Variants in DSCAML1 observed in about 807,000 individuals in gnomAD.
The protein encoded by DSCAML1 is DS cell adhesion molecule like 1.
A neutral mutation model predicts 200.5 loss-of-function variants in DSCAML1; 38 were observed. The observed-to-expected ratio is 0.19, with a 90% confidence interval of 0.15 to 0.25. The LOEUF (loss-of-function observed/expected upper bound fraction) is 0.25. Among genes scored for constraint, DSCAML1 ranks in the 10% least tolerant of loss-of-function variants. The probability of loss-of-function intolerance (pLI) is 1.00; values close to 1 mark genes in which losing one functional copy is unlikely to be tolerated. For missense variants in DSCAML1, 2,223 were observed against 2,858.8 expected (o/e 0.78, Z 5.07); for synonymous variants, 1,215 against 1,165.0 (o/e 1.04, Z -0.87).
chr11:117,504,970 C>G lies in DSCAML1; in HGVS notation c.2136G>C (p.Ser712=). The G allele has an allele frequency of 6.2e-7, 1 of 1,611,774 alleles. No individual in the cohort carries two copies. The highest frequency in any genetic ancestry group is 8.5e-7 in the Non-Finnish European group (1 of 1,178,616). Residue 712 remains serine, a synonymous_variant, in exon 10 of 33, where the codon TCG becomes TCC. Transcript: ENST00000651296. This position sits in a 1 kb window ranked among gnomAD's most constrained non-coding sequence, Gnocchi z 5.0. ...CCTTGGGTGGGGGGTAGCCGTCCAC[C>G]GAGCAGTTGAGCACACCAGCTTTGC... ...IYGKAGVLNC[S]VDGYPPPKVM...
chr11:117,798,150 G>A (rs1237424249), upstream of DSCAML1, among the ~76,000 whole-genome samples: 3 of 152,160 alleles, frequency 2.0e-5, no homozygotes, highest in Non-Finnish European at 4.4e-5. Flanking sequence ...AGGGATCCAG[G>A]TATCCCTGAG....
chr11:117,522,517 G>T (rs1222783040), intron 5 of DSCAML1, among the ~76,000 whole-genome samples: 2 of 152,218 alleles, frequency 1.3e-5, no homozygotes, highest in Non-Finnish European at 2.9e-5. Flanking sequence ...CAGGCTCCCT[G>T]TATAGCTTGG....
intron 3 of DSCAML1, among the ~76,000 whole-genome samples, chr11:117,770,571 T>C (rs994379439): frequency 1.3e-5 from 2 of 152,082 alleles, no homozygotes; most frequent in African/African-American, 4.8e-5. Context: ...GACTGTCATT[T>C]TGTCATCACC....
intron 3 of DSCAML1, among the ~76,000 whole-genome samples, chr11:117,618,191 G>A (rs187875556): frequency 5.8e-4 from 89 of 152,306 alleles, no homozygotes; most frequent in South Asian, 1.7e-3. Context: ...GGGTTGGAAA[G>A]GGCCTAACCT....
chr11:117,768,313 G>C (rs147598668), intron 3 of DSCAML1, among the ~76,000 whole-genome samples: 145 of 152,260 alleles, frequency 9.5e-4, no homozygotes, highest in Non-Finnish European at 4.9e-4. Context: ...ATTCTATTCA[G>C]TTATTATCAT....
chr11:117,693,927 T>C (rs1386975295), intron 3 of DSCAML1, among the ~76,000 whole-genome samples: 2 of 152,082 alleles, frequency 1.3e-5, no homozygotes, highest in African/African-American at 2.4e-5. Context: ...CTAGTGTCTT[T>C]ATGCAAACAT....
At chr11:117,740,282 T>TG (rs1241480726) in intron 3 of DSCAML1, among the ~76,000 whole-genome samples, 1 of 152,204 alleles carries the variant, frequency 6.6e-6, no homozygotes, top group Non-Finnish European at 1.5e-5. Context: ...ATGCAGCACT[T>TG]GCCACAGGTT....
intron 3 of DSCAML1, among the ~76,000 whole-genome samples, chr11:117,664,234 C>G (rs1273733640): frequency 6.6e-6 from 1 of 152,350 alleles, no homozygotes; most frequent in South Asian, 2.1e-4. Context: ...CCTAGACCGG[C>G]GAGGGGCCGT....
chr11:117,795,264 C>G (rs956858690), intron 1 of DSCAML1, among the ~76,000 whole-genome samples: 1 of 152,168 alleles, frequency 6.6e-6, no homozygotes, highest in Non-Finnish European at 1.5e-5. Flanking sequence ...AGTGTGGCAG[C>G]GGCTTCGGCC....
At chr11:117,647,155 A>C (rs751633110) in intron 3 of DSCAML1, among the ~76,000 whole-genome samples, 24 of 152,242 alleles carry the variant, frequency 1.6e-4, no homozygotes, top group Non-Finnish European at 3.1e-4. Flanking sequence ...CTGGAGGTGG[A>C]GAGGGGCTCA....
chr11:117,539,606 CAAAAAAAA>C (rs35130897), intron 3 of DSCAML1, among the ~76,000 whole-genome samples: 29 of 52,610 alleles, frequency 5.5e-4, no homozygotes, highest in Non-Finnish European at 9.2e-4. Flanking sequence ...AAAACTCTGT[CAAAAAAAA>C]AAAAAAAAAA....
intron 8 of DSCAML1, among the ~76,000 whole-genome samples, chr11:117,511,276 G>A (rs555535041): frequency 7.9e-5 from 12 of 152,224 alleles, no homozygotes; most frequent in Non-Finnish European, 1.5e-4. Flanking sequence ...CCACCTCCCT[G>A]TCCTGGTCCT....
intron 3 of DSCAML1, among the ~76,000 whole-genome samples, chr11:117,555,181 C>G (rs549364878): frequency 2.9e-3 from 448 of 152,328 alleles, no homozygotes; most frequent in Middle Eastern, 0.014. Flanking sequence ...CCCGTAGCAA[C>G]CCATGGCCAC....
intron 17 of DSCAML1, among the ~76,000 whole-genome samples, chr11:117,462,834 CTTAA>C (rs1484779011): frequency 3.3e-5 from 5 of 152,210 alleles, no homozygotes; most frequent in South Asian, 2.1e-4. Context: ...TAACGAGGGC[CTTAA>C]TTAAGTATGA....
intron 3 of DSCAML1, among the ~76,000 whole-genome samples, chr11:117,695,979 G>A (rs1355246697): frequency 1.3e-5 from 2 of 152,212 alleles, no homozygotes; most frequent in East Asian, 3.8e-4. Context: ...AAATTTGGAG[G>A]TTTAGTGAAA....
At chr11:117,806,820 G>C (rs895510293) in intron 1 of DSCAML1, among the ~76,000 whole-genome samples, 1 of 152,344 alleles carries the variant, frequency 6.6e-6, no homozygotes, top group African/African-American at 2.4e-5. Context: ...ATATACAAAA[G>C]TGGGGAGAAC....
upstream of DSCAML1, among the ~76,000 whole-genome samples, chr11:117,798,407 C>G (rs2055621613): frequency 6.6e-6 from 1 of 151,978 alleles, no homozygotes. Context: ...CAAAATATCC[C>G]TAGAAATTTT....
At chr11:117,683,118 T>C (rs1055004052) in intron 3 of DSCAML1, among the ~76,000 whole-genome samples, 1 of 152,214 alleles carries the variant, frequency 6.6e-6, no homozygotes, top group Admixed American at 6.5e-5. Flanking sequence ...ACAACCACTG[T>C]TATTTATTTG....
Position 117,430,903 on chromosome 11 carries a change from G to A in DSCAML1, c.5505C>T (p.Phe1835=), listed in dbSNP as rs747671661. Reference sequence around the variant, plus strand: ...TCTGGTCAGAGGAACTGTCAGAGATGAAGCACTCGGTGATCTCAAACTTGG... The same window carrying A: ...TCTGGTCAGAGGAACTGTCAGAGATAAAGCACTCGGTGATCTCAAACTTGG... The part of the protein sequence containing the change: ...QHAKFEITEC[F]ISDSSSDQMT... The change falls in exon 32 of 33, where the codon TTC becomes TTT. Residue 1835 remains phenylalanine (F), a synonymous_variant. Transcript: ENST00000651296. The A allele has an allele frequency of 1.7e-5, 28 of 1,614,078 alleles. 1 individual carries two copies. The East Asian group carries it at 4.7e-4, about 27-fold the overall frequency.
Sources: gnomAD v4.1 joint callset for allele counts (sites outside exome capture counted in the v4.1 genomes callset) on GRCh38, gnomAD v4.1.1 for gene constraint, Gnocchi (gnomAD v3.1) non-coding constraint, MANE v1.5 for transcripts, NCBI Gene and HGNC (gene_info 2026-07-23, HGNC 2026-07-21) for gene names.